The following RNF215 variants were observed in gnomAD, a reference collection of about 807,000 sequenced individuals.
RNF215 encodes ring finger protein 215.
RNF215 carries 41 observed loss-of-function variants against 44.8 expected under a neutral mutation model. The ratio of observed to expected loss-of-function variants is 0.92; its 90% CI spans 0.71 to 1.19. The LOEUF is 1.19. RNF215 is among the 50% of genes most tolerant of loss of function. RNF215 has a pLI of 0.00. For synonymous variants in RNF215, 218 were observed against 230.1 expected (o/e 0.95, Z 0.48); for missense variants, 452 against 496.2 (o/e 0.91, Z 0.85).
Position 30,384,440 on chromosome 22 carries a change from C to G in RNF215, c.643G>C (p.Glu215Gln). 1 of 1,614,048 alleles carries G rather than the reference C, an allele frequency of 6.2e-7. No homozygotes were observed. Among genetic ancestry groups the G allele is most frequent in the South Asian group, 1.1e-5 (1 of 91,080 alleles). ...TSGESLSANIEWKLTLWTTCG... is the reference protein window; with the variant it reads ...TSGESLSANIQWKLTLWTTCG... ...GTGGTCCACAAGGTCAACTTCCACT[C>G]GATATTGGCAGACAGGGACTCTCCG... The change falls in exon 5 of 9, where the codon GAG (glutamate) becomes CAG (glutamine). Residue 215 changes from glutamate to glutamine, a missense_variant. Glu to Gln is a conservative substitution (Grantham distance 29). Coordinates refer to ENST00000382363, the MANE Select transcript of RNF215 (RefSeq NM_001017981.2).
intron 1 of RNF215, 106 bp from the exon 2 acceptor site, chr22:30,386,865 C>T (rs1933607969): frequency 2.0e-6 from 3 of 1,494,914 alleles, no homozygotes; most frequent in Non-Finnish European, 2.7e-6. Flanking sequence ...GCATCTGGCT[C>T]TCTGGTTTGG....
intron 5 of RNF215, among the ~76,000 whole-genome samples, chr22:30,383,765 G>C (rs1445771294): frequency 2.6e-5 from 4 of 152,218 alleles, no homozygotes; most frequent in African/African-American, 9.6e-5. Flanking sequence ...GAAGCCCATG[G>C]ACGGCCTGAC....
chr22:30,384,199 C>T lies in RNF215; in HGVS notation c.744+140G>A, dbSNP rs888688720. ...CCCACCTACACCATGTCTCTGAACA[C>T]TCACAGCACTCCTGTGGGGTGGGAA... On this transcript the variant is annotated intron_variant, in intron 5 of 8. Coordinates refer to ENST00000382363, the MANE Select transcript of RNF215 (RefSeq NM_001017981.2). 3.3e-6 allele frequency: 3 copies of T among 898,990 alleles called. No homozygotes were observed. In the African/African-American group the frequency reaches 5.0e-5, roughly 15 times the overall value. The allele number at this position is 898,990 out of a possible 1,614,324, so 55.7% of individuals were successfully genotyped here.
intron 5 of RNF215, among the ~76,000 whole-genome samples, chr22:30,382,054 G>C (rs1487383505): frequency 6.6e-6 from 1 of 152,190 alleles, no homozygotes; most frequent in East Asian, 1.9e-4. Flanking sequence ...ACACGTGCTG[G>C]GGGCTGTACA....
At chr22:30,386,455 C>G (rs531982991) in intron 2 of RNF215, among the ~76,000 whole-genome samples, 161 bp downstream of exon 2, 1 of 152,188 alleles carries the variant, frequency 6.6e-6, no homozygotes. Context: ...CTCCCTGCTT[C>G]GAAGCCATAC....
intron 5 of RNF215, among the ~76,000 whole-genome samples, chr22:30,381,691 A>T (rs1200227043): frequency 2.6e-5 from 4 of 152,132 alleles, no homozygotes; most frequent in Non-Finnish European, 5.9e-5. Flanking sequence ...CTGAGAAATG[A>T]TCTGATATGA....
Position 30,386,074 on chromosome 22 carries a change from C to A in RNF215, c.497G>T (p.Arg166Leu), listed in dbSNP as rs377398914. The change falls in exon 3 of 9, where the codon CGA (arginine) becomes CTA (leucine). Residue 166 changes from arginine to leucine, a missense_variant. Transcript: ENST00000382363. ...LLLILNHNVV[R>L]ELDISQLLLR... ...TCACGGCCTGGTCCGATTTACCTCTCGGACCACGTTGTGGTTCAGGATGAG... is the reference window on the plus strand; with the variant it reads ...TCACGGCCTGGTCCGATTTACCTCTAGGACCACGTTGTGGTTCAGGATGAG... 1.2e-6 allele frequency: 2 copies of A among 1,612,946 alleles called. No homozygotes were observed. The highest frequency in any genetic ancestry group is 1.1e-5 in the South Asian group (1 of 90,956).
chr22:30,387,387 C>G lies in RNF215; in HGVS notation c.-74G>C. On this transcript the variant is annotated 5_prime_UTR_variant, in exon 1 of 9. Transcript: ENST00000382363. ...GCGGGGGGGATCGGAGGGAGCGAGG[C>G]CGCTGCCGGACGGGGCGGGGCGCCG... The G allele has an allele frequency of 1.0e-6, 1 of 973,356 alleles. No individual in the cohort carries two copies. The highest frequency in any genetic ancestry group is 1.2e-6 in the Non-Finnish European group (1 of 813,532). The allele number at this position is 973,356 out of a possible 1,614,324, so 60.3% of individuals were successfully genotyped here. A position where few individuals can be genotyped will look rare whatever the true frequency, so the allele number is the denominator to read the frequency against.
Position 30,379,707 on chromosome 22 carries a change from T to TC in RNF215, c.1111+3dup. ...GGCCGAGGGACCCCACCCCTGGTGC[T>TC]CACCCAGGACGTTGAATTTGCACAG... is the stretch of plus-strand genomic sequence containing the variant. On this transcript the variant is annotated splice_donor_region_variant and intron_variant, in intron 8 of 8. Coordinates refer to ENST00000382363, the MANE Select transcript of RNF215 (RefSeq NM_001017981.2). 6.4e-7 allele frequency: 1 copy of TC among 1,555,194 alleles called. No individual in the cohort carries two copies.
At position 30,387,049 on chromosome 22, in the gene RNF215, G is replaced by A. The variant is rs759173712; in HGVS notation, c.265C>T (p.Leu89=). The A allele has an allele frequency of 2.1e-5, 32 of 1,544,796 alleles. No homozygotes were observed. The South Asian group carries it at 3.8e-4, about 18-fold the overall frequency. The change falls in exon 1 of 9, where the codon CTG becomes TTG. Residue 89 remains leucine, a synonymous_variant. Coordinates refer to ENST00000382363, the MANE Select transcript of RNF215 (RefSeq NM_001017981.2). The stretch of plus-strand genomic sequence containing the variant: ...CTCACCAGCAGCAGACGACCGCCCA[G>A]CAGGGGCGCCGGGTCGGCTTCGGAG... ...IGSEADPAPL[L]GGRLLLMDIV... is the part of the protein sequence containing the mutation.
At position 30,384,468 on chromosome 22, in the gene RNF215, G is replaced by A. The variant is rs1378810803; in HGVS notation, c.615C>T (p.Thr205=). Residue 205 remains threonine (T), a synonymous_variant, in exon 5 of 9, where the codon ACC becomes ACT. Transcript: ENST00000382363. Reference sequence around the variant, plus strand: ...TATTGGCAGACAGGGACTCTCCGCTGGTGATCTCAGCCGTGGCCTGGGTCC... The same window carrying A: ...TATTGGCAGACAGGGACTCTCCGCTAGTGATCTCAGCCGTGGCCTGGGTCC... ...LQRTQATAEI[T]SGESLSANIE... The A allele has an allele frequency of 6.2e-7, 1 of 1,613,996 alleles. No individual in the cohort carries two copies. The highest frequency in any genetic ancestry group is 1.1e-5 in the South Asian group (1 of 91,074).
chr22:30,384,285 T>C lies in RNF215; in HGVS notation c.744+54A>G. On this transcript the variant is annotated intron_variant, in intron 5 of 8. Coordinates refer to ENST00000382363, the MANE Select transcript of RNF215 (RefSeq NM_001017981.2). ...AGGATTTTCAATACAAAGCCATGTA[T>C]ATGGCCCCACGAGCCTCCTTTCCCT... 4 of 1,564,376 alleles carry C rather than the reference T, an allele frequency of 2.6e-6. No individual in the cohort carries two copies. In the South Asian group the frequency reaches 4.6e-5, roughly 18 times the overall value.
chr22:30,386,061 C>T lies in RNF215; in HGVS notation c.501+9G>A, dbSNP rs1933594339. Reference sequence around the variant, plus strand: ...AGCTTGCTTACCCTCACGGCCTGGTCCGATTTACCTCTCGGACCACGTTGT... The same window carrying T: ...AGCTTGCTTACCCTCACGGCCTGGTTCGATTTACCTCTCGGACCACGTTGT... On this transcript the variant is annotated intron_variant, in intron 3 of 8. Coordinates refer to ENST00000382363, the MANE Select transcript of RNF215 (RefSeq NM_001017981.2). 1 of 1,613,688 alleles carries T rather than the reference C, an allele frequency of 6.2e-7. No homozygotes were observed. The highest frequency in any genetic ancestry group is 1.3e-5 in the African/African-American group (1 of 75,032).
rs1187041665 is a variant in RNF215, at chr22:30,379,808, G to C, written c.1014C>G (p.Leu338=). The change falls in exon 8 of 9, where the codon CTC becomes CTG. Residue 338 remains leucine, a synonymous_variant. Transcript: ENST00000382363. ...ACTCGTGCTTACAGGGCAGCACCCG[G>C]AGCCACTACAGGGGTGGGGGAGGAA... is the stretch of plus-strand genomic sequence containing the variant. ...CLDYFCNKQW[L]RVLPCKHEFH... 2 of 1,572,496 alleles carry C rather than the reference G, an allele frequency of 1.3e-6. No homozygotes were observed. The highest frequency in any genetic ancestry group is 3.8e-5 in the Admixed American group (2 of 52,566).
chr22:30,380,859 C>T lies in RNF215; in HGVS notation c.745-458G>A, dbSNP rs147076541. Among the ~76,000 whole-genome samples the T allele has an allele frequency of 7.2e-4, 110 of 152,280 alleles. No homozygotes were observed. The highest frequency in any genetic ancestry group is 2.5e-3 in the African/African-American group (105 of 41,556). The stretch of plus-strand genomic sequence containing the variant: ...CATCCAGCCTGAATGTTCGCACCCC[C>T]CTGTACGGGAGGGAGCCAGCCCCCA... On this transcript the variant is annotated intron_variant, in intron 5 of 8. Coordinates refer to ENST00000382363, the MANE Select transcript of RNF215 (RefSeq NM_001017981.2). The surrounding 1 kb of genome is among the most constrained non-coding windows in gnomAD (Gnocchi z 5.3).
intron 5 of RNF215, 103 bp downstream of exon 5, chr22:30,384,236 G>T: frequency 1.6e-6 from 2 of 1,287,432 alleles, no homozygotes; most frequent in Non-Finnish European, 2.2e-6. Context: ...GGCCGTCCTT[G>T]TCACTAAGGT....
At chr22:30,379,979 G>C in intron 7 of RNF215, 83 bp downstream of exon 7, 1 of 1,581,856 alleles carries the variant, frequency 6.3e-7, no homozygotes, top group South Asian at 1.1e-5. Flanking sequence ...GAAGGGCCTG[G>C]TGGTGGTGGT....
In RNF215 at chr22:30,380,408, A is replaced by T; in HGVS notation, c.745-7T>A. The T allele has an allele frequency of 6.3e-7, 1 of 1,597,672 alleles. No individual in the cohort carries two copies. On this transcript the variant is annotated splice_region_variant and splice_polypyrimidine_tract_variant and intron_variant, in intron 5 of 8. Transcript: ENST00000382363. The surrounding 1 kb of genome is among the most constrained non-coding windows in gnomAD (Gnocchi z 5.3). Reference sequence around the variant, plus strand: ...ACAGCTGCTGCAGGGGTTTCTGGGGAGGGAAGCAGTCATCAGGGACATGGG... The same window carrying T: ...ACAGCTGCTGCAGGGGTTTCTGGGGTGGGAAGCAGTCATCAGGGACATGGG...
In RNF215 at chr22:30,384,390, A is replaced by C; in HGVS notation, c.693T>G (p.Tyr231Ter). The part of the protein sequence containing the change: ...WTTCGLSKDG[Y>*]GGWQDLVCLG... ...GGCAGACCAAGTCCTGCCATCCTCC[A>C]TAGCCATCCTTGGAGAGGCCACAGG... is the stretch of plus-strand genomic sequence containing the variant. Residue 231 changes from tyrosine (Y) to a stop codon, truncating the protein, a stop_gained, in exon 5 of 9, where the codon TAT becomes TAG. Coordinates refer to ENST00000382363, the MANE Select transcript of RNF215 (RefSeq NM_001017981.2). LOFTEE classifies it high-confidence loss of function. The C allele has an allele frequency of 6.2e-7, 1 of 1,614,050 alleles. No individual in the cohort carries two copies.
Sources: gnomAD v4.1 joint callset for allele counts (sites outside exome capture counted in the v4.1 genomes callset) on GRCh38, gnomAD v4.1.1 for gene constraint, Gnocchi (gnomAD v3.1) non-coding constraint, MANE v1.5 for transcripts, NCBI Gene and HGNC (gene_info 2026-07-23, HGNC 2026-07-21) for gene names.